The following PSPC1 variants were observed in gnomAD, a reference collection of about 807,000 sequenced individuals.
PSPC1 encodes the protein paraspeckle protein 1.
PSPC1 carries 14 observed loss-of-function variants against 51.6 expected under a neutral mutation model. The observed-to-expected ratio is 0.27, with a 90% CI of 0.18 to 0.42. The LOEUF (loss-of-function observed/expected upper bound fraction) is 0.42. PSPC1 is among the 10% of genes least tolerant of loss of function. The pLI, the probability that PSPC1 is intolerant of heterozygous loss-of-function variation, is 1.00. For synonymous variants in PSPC1, 193 were observed against 231.9 expected, an observed-to-expected ratio of 0.83 and a Z score of 1.53; for missense variants, 406 against 701.1, an observed-to-expected ratio of 0.58 and a Z score of 4.75.
downstream of PSPC1, among the ~76,000 whole-genome samples, chr13:19,699,809 C>T (rs1852097736): frequency 6.6e-6 from 1 of 152,012 alleles, no homozygotes; most frequent in South Asian, 2.1e-4. Context: ...TGGATATTTA[C>T]TGCCTTATTC....
chr13:19,699,965 A>G (rs1179483829), downstream of PSPC1, among the ~76,000 whole-genome samples: 1 of 151,984 alleles, frequency 6.6e-6, no homozygotes, highest in African/African-American at 2.4e-5. Flanking sequence ...AACTTCCTTC[A>G]TTTTTTCAAA....
intron 3 of PSPC1, among the ~76,000 whole-genome samples, chr13:19,756,451 C>A (rs1278964371): frequency 1.3e-5 from 2 of 152,098 alleles, no homozygotes; most frequent in African/African-American, 2.4e-5. Flanking sequence ...TTCACTACGG[C>A]CACTCAGGGA....
chr13:19,774,805 C>CA (rs748014285), intron 1 of PSPC1, among the ~76,000 whole-genome samples: 1,048 of 55,306 alleles, frequency 0.019, 11 homozygotes, highest in South Asian at 0.072. Flanking sequence ...ACTCTGTGTC[C>CA]AAAAAAAAAA....
intron 5 of PSPC1, among the ~76,000 whole-genome samples, chr13:19,739,554 C>T (rs1052932163): frequency 6.6e-6 from 1 of 151,986 alleles, no homozygotes; most frequent in Non-Finnish European, 1.5e-5. Flanking sequence ...TCAAGACCAG[C>T]CTGGCCAACA....
chr13:19,777,060 G>C (rs1327542939), intron 1 of PSPC1, among the ~76,000 whole-genome samples: 2 of 147,928 alleles, frequency 1.4e-5, no homozygotes, highest in African/African-American at 5.0e-5. Context: ...GGGAGGCAAG[G>C]CTGCAGTGAG....
chr13:19,704,017 A>C (rs2137728468), intron 8 of PSPC1, among the ~76,000 whole-genome samples: 1 of 152,394 alleles, frequency 6.6e-6, no homozygotes, highest in Non-Finnish European at 1.5e-5. Flanking sequence ...CATACATATT[A>C]ATCTGAAAGG....
At chr13:19,743,164 A>C (rs924232046) in intron 4 of PSPC1, among the ~76,000 whole-genome samples, 1 of 152,192 alleles carries the variant, frequency 6.6e-6, no homozygotes, top group Non-Finnish European at 1.5e-5. Flanking sequence ...ATTTTGTATA[A>C]AATTATGTAT....
Position 19,739,112 on chromosome 13 carries a change from G to T in PSPC1, c.1052+2453C>A, listed in dbSNP as rs576696322. Among the ~76,000 whole-genome samples the T allele has an allele frequency of 1.2e-3, 183 of 152,198 alleles. 5 individuals carry two copies. The South Asian group carries it at 0.037, about 31-fold the overall frequency. On this transcript the variant is annotated intron_variant, in intron 5 of 8. Transcript: ENST00000338910. ...AACTACTAGCCCATATGCCTAACTA[G>T]CTTACAGAATTTATGTATGGTTCTT...
chr13:19,768,644 T>C (rs1831044264), intron 2 of PSPC1, among the ~76,000 whole-genome samples: 1 of 149,106 alleles, frequency 6.7e-6, no homozygotes, highest in South Asian at 2.1e-4. Flanking sequence ...CAAGACTCTG[T>C]CTCAAATAAA....
intron 5 of PSPC1, among the ~76,000 whole-genome samples, chr13:19,738,163 T>C (rs1885046032): frequency 6.6e-6 from 1 of 152,188 alleles, no homozygotes; most frequent in African/African-American, 2.4e-5. Context: ...AACACACATC[T>C]ATATTTCTGC....
At chr13:19,756,240 A>T (rs1164983152) in intron 3 of PSPC1, among the ~76,000 whole-genome samples, 2 of 152,128 alleles carry the variant, frequency 1.3e-5, no homozygotes, top group Non-Finnish European at 2.9e-5. Flanking sequence ...TGTCTCAAAA[A>T]ATAAATAAGT....
rs2340650 is a variant in PSPC1, at chr13:19,751,485, C to G, written c.771-18G>C. The stretch of plus-strand genomic sequence containing the variant: ...CTCTTTCCCTAAATTAACATTAAAA[C>G]ATACAGAAATGTATGCTTAAAAGGT... On this transcript the variant is annotated intron_variant, in intron 3 of 8. Transcript: ENST00000338910. The G allele has an allele frequency of 0.75, 1,101,159 of 1,473,110 alleles. 421,167 individuals carry two copies. The highest frequency in any genetic ancestry group is 0.91 in the East Asian group (37,998 of 41,834). The allele number at this position is 1,473,110 out of a possible 1,614,324, so 91.3% of individuals were successfully genotyped here.
chr13:19,671,768 GT>G, downstream of PSPC1: 1 of 1,510,740 alleles, frequency 6.6e-7, no homozygotes, highest in Non-Finnish European at 9.1e-7. Flanking sequence ...CCATTTGTGG[GT>G]TTTTTCTTGT....
intron 2 of PSPC1, among the ~76,000 whole-genome samples, chr13:19,767,753 T>C (rs778186797): frequency 6.6e-6 from 1 of 151,994 alleles, no homozygotes; most frequent in Non-Finnish European, 1.5e-5. Context: ...ACACTCAAAA[T>C]GTATAAATGT....
intron 1 of PSPC1, among the ~76,000 whole-genome samples, chr13:19,778,265 A>G (rs1429880852): frequency 1.3e-5 from 2 of 150,456 alleles, no homozygotes; most frequent in African/African-American, 4.9e-5. Flanking sequence ...ACACTATCTT[A>G]AAGGTTTTAG....
chr13:19,739,372 C>T (rs1885179331), intron 5 of PSPC1, among the ~76,000 whole-genome samples: 1 of 152,194 alleles, frequency 6.6e-6, no homozygotes, highest in African/African-American at 2.4e-5. Flanking sequence ...TAGCTGTCAT[C>T]TCTAAGTTTT....
At chr13:19,771,295 G>A (rs2138300023) in intron 2 of PSPC1, among the ~76,000 whole-genome samples, 1 of 152,138 alleles carries the variant, frequency 6.6e-6, no homozygotes, top group South Asian at 2.1e-4. Flanking sequence ...GCAGCACCAA[G>A]CCCGGCTAAT....
chr13:19,677,716 G>A (rs1876824552), intron 7 of PSPC1: 1 of 457,084 alleles, frequency 2.2e-6, no homozygotes, highest in African/African-American at 2.0e-5. Flanking sequence ...GAGCAGATAC[G>A]GACTGACCTG....
intron 6 of PSPC1, chr13:19,678,210 T>C (rs545979844): frequency 6.1e-6 from 1 of 164,970 alleles, no homozygotes; most frequent in African/African-American, 2.4e-5. Flanking sequence ...AAACCTTGTA[T>C]TGCAAAATCC....
Sources: gnomAD v4.1 joint callset for allele counts (sites outside exome capture counted in the v4.1 genomes callset) on GRCh38, gnomAD v4.1.1 for gene constraint, MANE v1.5 for transcripts, NCBI Gene and HGNC (gene_info 2026-07-23, HGNC 2026-07-21) for gene names.